Variants in NKAIN2 observed in about 807,000 individuals in gnomAD.
NKAIN2 encodes sodium/potassium transporting ATPase interacting 2.
Under a neutral mutation model 32.6 loss-of-function variants are expected in NKAIN2, and 14 were observed. The observed-to-expected ratio is 0.43, with a 90% confidence interval of 0.28 to 0.67. NKAIN2 has a LOEUF of 0.67. Ranked by LOEUF, NKAIN2 falls within the 30% of genes least tolerant of loss-of-function variation. The pLI, the probability that NKAIN2 is intolerant of heterozygous loss-of-function variation, is 0.17. For synonymous variants in NKAIN2, 80 were observed against 87.2 expected (o/e 0.92, Z 0.46); for missense variants, 198 against 258.3 (o/e 0.77, Z 1.60).
chr6:124,303,986 G>GTAAA (rs1454697053), intron 2 of NKAIN2, among the ~76,000 whole-genome samples: 2 of 152,214 alleles, frequency 1.3e-5, no homozygotes, highest in Non-Finnish European at 2.9e-5. Context: ...ATTTACTGTA[G>GTAAA]TGGGTGATGA....
At chr6:124,185,342 T>C (rs1476115720) in intron 1 of NKAIN2, among the ~76,000 whole-genome samples, 1 of 152,200 alleles carries the variant, frequency 6.6e-6, no homozygotes, top group African/African-American at 2.4e-5. Context: ...TGGTGAATTC[T>C]ACAAATTAGA....
intron 1 of NKAIN2, among the ~76,000 whole-genome samples, chr6:123,818,185 T>C (rs180917170): frequency 4.6e-4 from 70 of 152,330 alleles, no homozygotes; most frequent in African/African-American, 1.4e-3. Flanking sequence ...TTCAGACATA[T>C]AATTATTGTT....
intron 1 of NKAIN2, among the ~76,000 whole-genome samples, chr6:124,221,732 A>G (rs922613580): frequency 6.6e-6 from 1 of 152,154 alleles, no homozygotes; most frequent in Non-Finnish European, 1.5e-5. Context: ...ACCATCTGGA[A>G]TCATGCTTCC....
chr6:124,803,968 T>C (rs1307833471), intron 5 of NKAIN2, among the ~76,000 whole-genome samples: 1 of 152,210 alleles, frequency 6.6e-6, no homozygotes. Context: ...ATTCTCTCAA[T>C]AACCCTTCGA....
intron 4 of NKAIN2, among the ~76,000 whole-genome samples, chr6:124,763,214 C>A (rs765422433): frequency 2.0e-5 from 3 of 152,144 alleles, no homozygotes; most frequent in Non-Finnish European, 4.4e-5. Context: ...TTCAAGAGAT[C>A]TATTGTACAA....
intron 1 of NKAIN2, among the ~76,000 whole-genome samples, chr6:124,088,282 T>C (rs1257920230): frequency 6.6e-6 from 1 of 151,896 alleles, no homozygotes; most frequent in Non-Finnish European, 1.5e-5. Flanking sequence ...ATTAGCCAGA[T>C]GTGGTGGTGT....
At chr6:124,656,801 T>G (rs924151354) in intron 3 of NKAIN2, among the ~76,000 whole-genome samples, 5 of 152,100 alleles carry the variant, frequency 3.3e-5, no homozygotes, top group African/African-American at 1.2e-4. Context: ...GATCATTACT[T>G]TAGATCCATG....
At chr6:124,505,958 G>A (rs933566823) in intron 3 of NKAIN2, among the ~76,000 whole-genome samples, 1 of 152,098 alleles carries the variant, frequency 6.6e-6, no homozygotes, top group Admixed American at 6.5e-5. Context: ...CAGATCACGA[G>A]GTCAAGAGAC....
At chr6:124,796,381 T>C (rs1319904550) in intron 5 of NKAIN2, among the ~76,000 whole-genome samples, 3 of 152,160 alleles carry the variant, frequency 2.0e-5, no homozygotes, top group African/African-American at 4.8e-5. Context: ...TAGTCAGGCA[T>C]ATTAGGAGTT....
intron 1 of NKAIN2, among the ~76,000 whole-genome samples, chr6:123,919,775 C>G (rs965982379): frequency 6.6e-6 from 1 of 152,034 alleles, no homozygotes; most frequent in Non-Finnish European, 1.5e-5. Flanking sequence ...CCTTTCATAA[C>G]AGGATGCTGT....
At chr6:124,711,018 C>A (rs1442664809) in intron 4 of NKAIN2, among the ~76,000 whole-genome samples, 2 of 148,026 alleles carry the variant, frequency 1.4e-5, no homozygotes, top group South Asian at 2.2e-4. Context: ...TCTTTTAGGG[C>A]AGGCCTGGTG....
At chr6:124,084,183 G>A (rs1230651541) in intron 1 of NKAIN2, among the ~76,000 whole-genome samples, 1 of 151,928 alleles carries the variant, frequency 6.6e-6, no homozygotes, top group Admixed American at 6.6e-5. Flanking sequence ...AATTCCCTAA[G>A]TTTAGGACAT....
chr6:123,843,069 G>A (rs374376446), intron 1 of NKAIN2, among the ~76,000 whole-genome samples: 3 of 152,060 alleles, frequency 2.0e-5, no homozygotes, highest in Admixed American at 6.6e-5. Flanking sequence ...CAATATCTAG[G>A]GTTGTCCATG....
At chr6:124,359,153 T>C (rs535674126) in intron 3 of NKAIN2, among the ~76,000 whole-genome samples, 95 of 152,278 alleles carry the variant, frequency 6.2e-4, no homozygotes, top group African/African-American at 2.1e-3. Context: ...GGTACCAGTA[T>C]CATGCTGTTT....
intron 1 of NKAIN2, among the ~76,000 whole-genome samples, chr6:123,910,281 G>A (rs779095338): frequency 1.3e-5 from 2 of 152,070 alleles, no homozygotes; most frequent in Admixed American, 1.3e-4. Flanking sequence ...AACTATTTAA[G>A]TATGCCATGC....
At chr6:124,773,766 G>C (rs1778863258) in intron 4 of NKAIN2, among the ~76,000 whole-genome samples, 1 of 152,110 alleles carries the variant, frequency 6.6e-6, no homozygotes, top group Non-Finnish European at 1.5e-5. Flanking sequence ...ATAATAGAGT[G>C]GGGTTAGTAG....
chr6:124,238,462 G>A (rs1173595392), intron 1 of NKAIN2, among the ~76,000 whole-genome samples: 1 of 152,092 alleles, frequency 6.6e-6, no homozygotes, highest in South Asian at 2.1e-4. Context: ...TGGAAAAATA[G>A]AAGTCACATT....
chr6:124,103,809 C>T (rs1014133312), intron 1 of NKAIN2, among the ~76,000 whole-genome samples: 4 of 151,882 alleles, frequency 2.6e-5, no homozygotes, highest in Non-Finnish European at 5.9e-5. Context: ...AACCTGGGGC[C>T]GGGTGCGGTG....
intron 3 of NKAIN2, among the ~76,000 whole-genome samples, chr6:124,389,748 TGTGG>T (rs1333386302): frequency 4.1e-5 from 5 of 121,164 alleles, no homozygotes; most frequent in Non-Finnish European, 8.0e-5. Flanking sequence ...TGTGTGTGTG[TGTGG>T]GTTTGAATCT....
Sources: allele counts gnomAD v4.1 joint callset (sites outside exome capture counted in the v4.1 genomes callset), GRCh38; gene constraint gnomAD v4.1.1; transcripts MANE v1.5; gene names NCBI Gene and HGNC (gene_info 2026-07-23, HGNC 2026-07-21).